The following ENOX1 variants were observed in gnomAD, a reference collection of about 807,000 sequenced individuals.
The protein encoded by ENOX1 is candidate growth-related and time keeping constitutive hydroquinone (NADH) oxidase.
In ENOX1, 42 loss-of-function variants were observed where a neutral mutation model predicts 82.5. The observed-to-expected ratio is 0.51, with a 90% CI of 0.40 to 0.66. The LOEUF (loss-of-function observed/expected upper bound fraction) is 0.66, where lower values mean the gene tolerates loss of function less well. Among genes scored for constraint, ENOX1 ranks in the 30% least tolerant of loss-of-function variants. The pLI is 0.00. For missense variants in ENOX1, 608 were observed against 811.6 expected, an observed-to-expected ratio of 0.75 and a Z score of 3.05; for synonymous variants, 271 against 282.2, an observed-to-expected ratio of 0.96 and a Z score of 0.40.
At chr13:43,257,959 T>G (rs533491344) in intron 14 of ENOX1, among the ~76,000 whole-genome samples, 80 of 152,348 alleles carry the variant, frequency 5.3e-4, no homozygotes, top group African/African-American at 1.7e-3. Flanking sequence ...GTATTTTCAC[T>G]TCTCTAAACT....
At chr13:43,404,109 A>G (rs1171933180) in intron 5 of ENOX1, among the ~76,000 whole-genome samples, 1 of 152,164 alleles carries the variant, frequency 6.6e-6, no homozygotes, top group South Asian at 2.1e-4. Flanking sequence ...CCATTCTTCA[A>G]TGCAGTCTCT....
At chr13:43,344,386 C>A (rs556989904) in intron 9 of ENOX1, 152 bp downstream of exon 9, 4 of 683,360 alleles carry the variant, frequency 5.9e-6, no homozygotes, top group Admixed American at 5.8e-5. Context: ...CAAGTTGCCA[C>A]AGAACATGAA....
chr13:43,366,608 A>G (rs1212311542), intron 5 of ENOX1, among the ~76,000 whole-genome samples: 2 of 152,120 alleles, frequency 1.3e-5, no homozygotes, highest in African/African-American at 4.8e-5. Flanking sequence ...TCTGGGCTTC[A>G]GTGTCTTCAC....
intron 12 of ENOX1, among the ~76,000 whole-genome samples, chr13:43,276,018 T>C (rs1036454002): frequency 7.2e-5 from 11 of 152,218 alleles, no homozygotes; most frequent in South Asian, 2.1e-4. Flanking sequence ...CTGGGAATAT[T>C]TGAACCCACA....
intron 2 of ENOX1, among the ~76,000 whole-genome samples, chr13:43,553,358 C>T (rs903212379): frequency 1.6e-4 from 25 of 152,038 alleles, no homozygotes; most frequent in Admixed American, 1.3e-3. Context: ...ACAAAACAAA[C>T]GAGAAAAAAA....
chr13:43,657,141 G>A lies in ENOX1; in HGVS notation c.-219+10338C>T, dbSNP rs528135229. Among the ~76,000 whole-genome samples, 54 of 152,206 alleles carry A rather than the reference G, an allele frequency of 3.5e-4. 1 individual carries two copies. In the Middle Eastern group the frequency reaches 0.01, roughly 29 times the overall value. ...ATCTCATAAAAACAAAGTTGAAAGC[G>A]GCTCTGTCCAATCTTTTGAGAGGGC... On this transcript the variant is annotated intron_variant, in intron 2 of 16. Coordinates refer to ENST00000690772, the MANE Select transcript of ENOX1 (RefSeq NM_001347969.2).
chr13:43,356,263 T>C (rs1231172481), intron 7 of ENOX1, 111 bp from the exon 8 acceptor site: 4 of 843,174 alleles, frequency 4.7e-6, no homozygotes, highest in Non-Finnish European at 5.6e-6. Context: ...TGGCTGTCAC[T>C]ACGGATACAT....
chr13:43,775,674 G>A (rs2153837626), intron 1 of ENOX1, among the ~76,000 whole-genome samples: 1 of 152,216 alleles, frequency 6.6e-6, no homozygotes, highest in Non-Finnish European at 1.5e-5. Context: ...GTTCTTAATT[G>A]AGGCTCCAGC....
intron 13 of ENOX1, 102 bp downstream of exon 13, chr13:43,269,368 G>T: frequency 1.1e-6 from 1 of 880,216 alleles, no homozygotes. Flanking sequence ...TAATTGTACT[G>T]CAGATTACTT....
chr13:43,410,003 C>G (rs1264219282), intron 5 of ENOX1, among the ~76,000 whole-genome samples: 1 of 152,154 alleles, frequency 6.6e-6, no homozygotes, highest in African/African-American at 2.4e-5. Flanking sequence ...TTGGCTAACA[C>G]AGGAGATAGA....
chr13:43,456,851 A>T (rs1002401369), intron 3 of ENOX1, among the ~76,000 whole-genome samples: 2 of 152,070 alleles, frequency 1.3e-5, no homozygotes, highest in African/African-American at 4.8e-5. Context: ...TTCCAGTCTC[A>T]TGACTCCTAA....
At chr13:43,651,691 T>C (rs1005447733) in intron 2 of ENOX1, among the ~76,000 whole-genome samples, 10 of 55,298 alleles carry the variant, frequency 1.8e-4, no homozygotes, top group African/African-American at 4.9e-4. Context: ...AGCGAGACTC[T>C]GTCTAAAAAA....
chr13:43,350,969 C>A (rs1243205910), intron 8 of ENOX1, among the ~76,000 whole-genome samples: 1 of 152,110 alleles, frequency 6.6e-6, no homozygotes, highest in African/African-American at 2.4e-5. Flanking sequence ...GCTTTTCTTT[C>A]CAAAGAAATG....
intron 2 of ENOX1, among the ~76,000 whole-genome samples, chr13:43,509,048 T>G (rs2077274629): frequency 6.6e-6 from 1 of 152,064 alleles, no homozygotes; most frequent in Admixed American, 6.6e-5. Context: ...AAGGTCTTGT[T>G]GGTAATTCAG....
At chr13:43,731,254 G>A (rs529748538) in intron 1 of ENOX1, among the ~76,000 whole-genome samples, 1 of 152,250 alleles carries the variant, frequency 6.6e-6, no homozygotes, top group South Asian at 2.1e-4. Flanking sequence ...CACTAATTTG[G>A]CTGGCCTTTC....
intron 1 of ENOX1, among the ~76,000 whole-genome samples, chr13:43,706,864 T>C (rs1363276774): frequency 6.6e-6 from 1 of 152,134 alleles, no homozygotes; most frequent in African/African-American, 2.4e-5. Context: ...CTACTCAACA[T>C]TGAACTACCA....
At chr13:43,247,872 TATATATATA>T (rs1566329878) in intron 14 of ENOX1, among the ~76,000 whole-genome samples, 9 of 2,524 alleles carry the variant, frequency 3.6e-3, no homozygotes, top group Non-Finnish European at 4.8e-3. Flanking sequence ...TATATATATA[TATATATATA>T]TATTTTTTTT....
At chr13:43,340,933 C>T (rs2049014987) in intron 9 of ENOX1, among the ~76,000 whole-genome samples, 1 of 152,126 alleles carries the variant, frequency 6.6e-6, no homozygotes, top group Non-Finnish European at 1.5e-5. Flanking sequence ...GTGATGCCTG[C>T]TATAATAACT....
chr13:43,712,979 C>G (rs1298789391), intron 1 of ENOX1, among the ~76,000 whole-genome samples: 1 of 152,132 alleles, frequency 6.6e-6, no homozygotes, highest in Non-Finnish European at 1.5e-5. Flanking sequence ...GAGGGCATCC[C>G]TGTCTTGTGC....
Sources: gnomAD v4.1 joint callset for allele counts (sites outside exome capture counted in the v4.1 genomes callset) on GRCh38, gnomAD v4.1.1 for gene constraint, MANE v1.5 for transcripts, NCBI Gene and HGNC (gene_info 2026-07-23, HGNC 2026-07-21) for gene names.